The following ASMTL variants were observed in gnomAD, a reference collection of about 807,000 sequenced individuals.
ASMTL encodes acetylserotonin O-methyltransferase like.
A neutral mutation model predicts 60.3 loss-of-function variants in ASMTL; 57 were observed. That is an observed-to-expected ratio of 0.95 (90% confidence interval 0.76 to 1.18). ASMTL has a LOEUF of 1.18. Among genes scored for constraint, ASMTL ranks in the 50% most tolerant of loss-of-function variants. ASMTL has a pLI of 0.00. For missense variants in ASMTL, 981 were observed against 852.6 expected, an observed-to-expected ratio of 1.15 and a Z score of -1.88; for synonymous variants, 419 against 373.0, an observed-to-expected ratio of 1.12 and a Z score of -1.42.
chrX:1,418,024 C>T lies in ASMTL; in HGVS notation c.1471G>A (p.Ala491Thr), dbSNP rs374148730. The T allele has an allele frequency of 3.0e-5, 49 of 1,613,320 alleles. No homozygotes were observed. The highest frequency in any genetic ancestry group is 1.7e-4 in the Admixed American group (10 of 59,936). Residue 491 changes from alanine (A) to threonine (T), a missense_variant, in exon 11 of 13, where the codon GCC becomes ACC. Coordinates refer to ENST00000381317, the MANE Select transcript of ASMTL (RefSeq NM_004192.4). Reference protein sequence around the residue: ...FDLPDIIELAAHFQPPGPQAV... With the variant: ...FDLPDIIELATHFQPPGPQAV... Reference sequence around the variant, plus strand: ...TGCGGTCCGGGGGGTTGGAAGTGGGCGGCCAGCTCGATAATGTCTGGGAGG... The same window carrying T: ...TGCGGTCCGGGGGGTTGGAAGTGGGTGGCCAGCTCGATAATGTCTGGGAGG...
chrX:1,447,329 G>C (rs2091248154), intron 1 of ASMTL, among the ~76,000 whole-genome samples: 2 of 151,996 alleles, frequency 1.3e-5, no homozygotes, highest in Non-Finnish European at 2.9e-5. Flanking sequence ...CCGCCATCTT[G>C]GATAAGCACC....
chrX:1,431,410 A>C (rs1171921516), intron 6 of ASMTL, among the ~76,000 whole-genome samples: 2 of 136,690 alleles, frequency 1.5e-5, no homozygotes, highest in Non-Finnish European at 3.0e-5. Context: ...AATCTATTTT[A>C]ACAGTTATAT....
chrX:1,405,672 T>G (rs1157419060), intron 12 of ASMTL, among the ~76,000 whole-genome samples: 1 of 149,162 alleles, frequency 6.7e-6, no homozygotes. Flanking sequence ...GATGGGTGAA[T>G]AGATGGTACA....
Position 1,429,801 on chromosome X carries a change from A to G in ASMTL, c.510-1680T>C, listed in dbSNP as rs1161949449. ...GACGGAGGAAGACTCCGTCTCAAAA[A>G]AAATTTCATGTGTTAAATGGGATGT... On this transcript the variant is annotated intron_variant, in intron 6 of 12. Coordinates refer to ENST00000381317, the MANE Select transcript of ASMTL (RefSeq NM_004192.4). Among the ~76,000 whole-genome samples the G allele has an allele frequency of 2.0e-5, 3 of 151,526 alleles. No individual in the cohort carries two copies. The Admixed American group carries it at 2.0e-4, about 10-fold the overall frequency.
At chrX:1,425,241 C>G (rs186048480) in intron 8 of ASMTL, among the ~76,000 whole-genome samples, 56 of 152,304 alleles carry the variant, frequency 3.7e-4, no homozygotes, top group African/African-American at 1.2e-3. Context: ...TCTGTGTACA[C>G]CGTATTGGGT....
At chrX:1,416,666 G>A (rs2090285803) in intron 11 of ASMTL, among the ~76,000 whole-genome samples, 1 of 150,766 alleles carries the variant, frequency 6.6e-6, no homozygotes, top group Non-Finnish European at 1.5e-5. Flanking sequence ...ACAGAGAGTT[G>A]CACACACACA....
At chrX:1,449,553 C>T (rs2091302562) in intron 1 of ASMTL, among the ~76,000 whole-genome samples, 1 of 151,872 alleles carries the variant, frequency 6.6e-6, no homozygotes, top group Admixed American at 6.6e-5. Flanking sequence ...AGAGTAGACT[C>T]CTGCCCCACT....
chrX:1,442,662 A>G (rs1339314829), intron 1 of ASMTL, among the ~76,000 whole-genome samples: 1 of 152,176 alleles, frequency 6.6e-6, no homozygotes, highest in African/African-American at 2.4e-5. Context: ...ACGAGCCAAC[A>G]GTGTCCGAGG....
At position 1,418,092 on chromosome X, in the gene ASMTL, T is replaced by G. The variant is rs200070508; in HGVS notation, c.1403A>C (p.Glu468Ala). 2,101 of 1,610,936 alleles carry G rather than the reference T, an allele frequency of 1.3e-3. 15 individuals carry two copies. The Middle Eastern group carries it at 0.02, about 15-fold the overall frequency. ...VGGCTGALAR[E>A]LAREYPRMQV... is the part of the protein sequence containing the mutation. Reference sequence around the variant, plus strand: ...CATACGAGGGTACTCACGGGCCAGCTCTCGGGCCAGTGCACCCGTGCAGCC... The same window carrying G: ...CATACGAGGGTACTCACGGGCCAGCGCTCGGGCCAGTGCACCCGTGCAGCC... The change falls in exon 11 of 13, where the codon GAG becomes GCG. Residue 468 changes from glutamate (E) to alanine (A), a missense_variant. Glu to Ala is a moderately radical substitution (Grantham distance 107, BLOSUM62 -1). Coordinates refer to ENST00000381317, the MANE Select transcript of ASMTL (RefSeq NM_004192.4).
At chrX:1,432,225 C>T (rs1192891290) in intron 6 of ASMTL, 44 bp downstream of exon 6, 1 of 1,504,694 alleles carries the variant, frequency 6.6e-7, no homozygotes, top group East Asian at 2.3e-5. Context: ...GGTGGCCAGG[C>T]TTCCACACGT....
intron 12 of ASMTL, among the ~76,000 whole-genome samples, chrX:1,407,096 TGGTAGATGATG>T (rs1329373166): frequency 4.2e-5 from 6 of 142,550 alleles, no homozygotes; most frequent in African/African-American, 1.7e-4. Context: ...GGTGAACTGA[TGGTAGATGATG>T]GGTAGATGGA....
At chrX:1,447,778 G>A (rs1407704987) in intron 1 of ASMTL, among the ~76,000 whole-genome samples, 5 of 147,468 alleles carry the variant, frequency 3.4e-5, no homozygotes, top group East Asian at 2.0e-4. Flanking sequence ...GACACACACC[G>A]CCATCTTGGA....
Position 1,407,803 on chromosome X carries a change from T to TAAGGAAGG in ASMTL, c.1646-4315_1646-4314insCCTTCCTT, listed in dbSNP as rs755003581. ...GAGAGGGAGGAAGAGACAGAGAAGATAAAGGAGGAAGGAGGAGAGAAGAGA... is the reference window on the plus strand; with the variant it reads ...GAGAGGGAGGAAGAGACAGAGAAGATAAGGAAGGAAAGGAGGAAGGAGGAGAGAAGAGA... On this transcript the variant is annotated intron_variant, in intron 12 of 12. Coordinates refer to ENST00000381317, the MANE Select transcript of ASMTL (RefSeq NM_004192.4). Among the ~76,000 whole-genome samples the TAAGGAAGG allele has an allele frequency of 4.8e-3, 724 of 150,186 alleles. 6 individuals carry two copies. The highest frequency in any genetic ancestry group is 0.017 in the African/African-American group (687 of 40,832).
Position 1,428,048 on chromosome X carries a change from T to A in ASMTL, c.583A>T (p.Asn195Tyr), listed in dbSNP as rs370486610. 6.2e-7 allele frequency: 1 copy of A among 1,613,540 alleles called. No homozygotes were observed. The highest frequency in any genetic ancestry group is 1.3e-5 in the African/African-American group (1 of 74,920). The change falls in exon 7 of 13, where the codon AAC becomes TAC. Residue 195 changes from asparagine to tyrosine, a missense_variant. Physicochemically the swap from Asn to Tyr is moderately radical, Grantham distance 143 (BLOSUM62 -2). Transcript: ENST00000381317. ...LVESVHGDFL[N>Y]VVGFPLNHFC... The stretch of plus-strand genomic sequence containing the variant: ...TGGTTCAGCGGGAATCCCACCACGT[T>A]CAGAAAGTCCCCGTGTACGGACTCC...
intron 9 of ASMTL, among the ~76,000 whole-genome samples, chrX:1,421,012 G>A (rs1279944019): frequency 6.6e-6 from 1 of 150,774 alleles, no homozygotes; most frequent in African/African-American, 2.4e-5. Flanking sequence ...CAGGCTGGAG[G>A]GCAGTGGCGT....
intron 12 of ASMTL, among the ~76,000 whole-genome samples, chrX:1,412,255 TCTCA>T (rs1218921508): frequency 2.6e-5 from 4 of 152,038 alleles, no homozygotes; most frequent in Admixed American, 1.3e-4. Context: ...TGACACCGAA[TCTCA>T]CTCCGTCGCC....
intron 11 of ASMTL, among the ~76,000 whole-genome samples, chrX:1,414,495 G>A (rs2090161925): frequency 6.6e-6 from 1 of 152,158 alleles, no homozygotes; most frequent in East Asian, 1.9e-4. Context: ...ATGACCTGAG[G>A]TGAGGAGTTC....
chrX:1,433,686 G>GA lies in ASMTL; in HGVS notation c.401-1310dup, dbSNP rs1327286587. Among the ~76,000 whole-genome samples the GA allele has an allele frequency of 6.3e-4, 92 of 145,512 alleles. 1 individual carries two copies. The highest frequency in any genetic ancestry group is 1.2e-3 in the East Asian group (6 of 4,960). On this transcript the variant is annotated intron_variant, in intron 5 of 12. Transcript: ENST00000381317. Reference sequence around the variant, plus strand: ...TAAAGCGAGACTCTGTCACAAAAAAGAAAAAAAAAAGAGACCCAGAAGGAC... The same window carrying GA: ...TAAAGCGAGACTCTGTCACAAAAAAGAAAAAAAAAAAGAGACCCAGAAGGAC...
intron 5 of ASMTL, among the ~76,000 whole-genome samples, chrX:1,434,696 G>A (rs1482317254): frequency 6.7e-6 from 1 of 150,364 alleles, no homozygotes; most frequent in African/African-American, 2.4e-5. Flanking sequence ...CCCAGCTACT[G>A]AGGCAGAAGG....
Sources: allele counts gnomAD v4.1 joint callset (sites outside exome capture counted in the v4.1 genomes callset), GRCh38; gene constraint gnomAD v4.1.1; transcripts MANE v1.5; gene names NCBI Gene and HGNC (gene_info 2026-07-23, HGNC 2026-07-21).